Variants in HACD3 observed in about 807,000 individuals in gnomAD.
HACD3 encodes the protein very-long-chain (3R)-3-hydroxyacyl-CoA dehydratase 3.
HACD3 carries 30 observed loss-of-function variants against 55.2 expected under a neutral mutation model. The observed-to-expected ratio is 0.54, with a 90% CI of 0.41 to 0.74. HACD3 has a LOEUF of 0.74. Among genes scored for constraint, HACD3 ranks in the 30% least tolerant of loss-of-function variants. The pLI is 0.00. For synonymous variants in HACD3, 141 were observed against 151.7 expected, an observed-to-expected ratio of 0.93 and a Z score of 0.52; for missense variants, 363 against 440.1, an observed-to-expected ratio of 0.82 and a Z score of 1.57.
chr15:65,551,670 T>A lies in HACD3; in HGVS notation c.88-6T>A. 3 of 1,614,008 alleles carry A rather than the reference T, an allele frequency of 1.9e-6. No homozygotes were observed. Among genetic ancestry groups the A allele is most frequent in the Non-Finnish European group, 2.5e-6 (3 of 1,179,870 alleles). On this transcript the variant is annotated splice_polypyrimidine_tract_variant and splice_region_variant and intron_variant, in intron 1 of 10. Coordinates refer to ENST00000261875, the MANE Select transcript of HACD3 (RefSeq NM_016395.4). The stretch of plus-strand genomic sequence containing the variant: ...GCCTTCTTGCATCCTTGGTCTCTTT[T>A]CACAGAACCCTGCCATCAGCATCAC...
In HACD3 at chr15:65,545,455, AT is replaced by A. The variant is rs1166511305; in HGVS notation, c.88-6204del. On this transcript the variant is annotated intron_variant, in intron 1 of 10. Coordinates refer to ENST00000261875, the MANE Select transcript of HACD3 (RefSeq NM_016395.4). Reference sequence around the variant, plus strand: ...TGCATGAACCTGGATTGGATCCTGGATTTTTTTTTTTTTTTTTGAGACGGAG... The same window carrying A: ...TGCATGAACCTGGATTGGATCCTGGATTTTTTTTTTTTTTTTGAGACGGAG... 4.6e-3 allele frequency among the ~76,000 whole-genome samples: 644 copies of A among 141,104 alleles called. 5 individuals are homozygous for A. Among genetic ancestry groups the A allele is most frequent in the Middle Eastern group, 7.4e-3 (2 of 270 alleles). The allele number at this position is 141,104 out of a possible 152,430, so 92.6% of individuals were successfully genotyped here.
At chr15:65,562,955 C>T in intron 6 of HACD3, 71 bp downstream of exon 6, 1 of 1,574,894 alleles carries the variant, frequency 6.3e-7, no homozygotes, top group Non-Finnish European at 8.6e-7. Context: ...AAAGGGAGCA[C>T]TCTCTGCCTT....
intron 1 of HACD3, among the ~76,000 whole-genome samples, chr15:65,542,233 A>AAG: frequency 7.2e-6 from 1 of 139,358 alleles, no homozygotes. Context: ...ATCTCAAAAA[A>AAG]AAAAAAAAAA....
In HACD3 at chr15:65,577,709, C is replaced by G. The variant is rs1256376945; in HGVS notation, c.*1330C>G. ...GTGGGACTGTACATTTTTGAATAGACCTCAAAAATACTTCATTCTGCTGCT... is the reference window on the plus strand; with the variant it reads ...GTGGGACTGTACATTTTTGAATAGAGCTCAAAAATACTTCATTCTGCTGCT... On this transcript the variant is annotated 3_prime_UTR_variant, in exon 11 of 11. Transcript: ENST00000261875. The G allele has an allele frequency of 6.6e-6, 1 of 152,138 alleles. No individual in the cohort carries two copies. Among genetic ancestry groups the G allele is most frequent in the Non-Finnish European group, 1.5e-5 (1 of 68,024 alleles). The allele number at this position is 152,138 out of a possible 1,614,324, so 9.4% of individuals were successfully genotyped here.
Position 65,551,717 on chromosome 15 carries a change from A to ATGCAGCTG in HACD3, c.129_130insTGCAGCTG (p.Ala44CysfsTer22). The stretch of plus-strand genomic sequence containing the variant: ...TCACTGAAAACGTGCTGCATTTCAA[A>ATGCAGCTG]GGTCAGTATCCCAGCAAATGCTCCC... On this transcript the variant is annotated frameshift_variant and splice_region_variant, in exon 2 of 11. Coordinates refer to ENST00000261875, the MANE Select transcript of HACD3 (RefSeq NM_016395.4). LOFTEE classifies it high-confidence loss of function. 3.7e-6 allele frequency: 6 copies of ATGCAGCTG among 1,613,954 alleles called. No individual in the cohort carries two copies. The highest frequency in any genetic ancestry group is 5.1e-6 in the Non-Finnish European group (6 of 1,179,846).
intron 1 of HACD3, among the ~76,000 whole-genome samples, chr15:65,535,202 A>T (rs2141202139): frequency 6.6e-6 from 1 of 152,366 alleles, no homozygotes; most frequent in Non-Finnish European, 1.5e-5. Context: ...AAGGGGGAGA[A>T]TGTGTTAAGC....
intron 3 of HACD3, among the ~76,000 whole-genome samples, chr15:65,555,486 C>T (rs952861651): frequency 6.6e-6 from 1 of 152,214 alleles, no homozygotes; most frequent in Non-Finnish European, 1.5e-5. Context: ...GAGGAAGCTT[C>T]TCTCATAAGC....
At chr15:65,565,374 C>T (rs1008596709) in intron 7 of HACD3, 10 of 152,324 alleles carry the variant, frequency 6.6e-5, no homozygotes, top group Admixed American at 3.9e-4. Flanking sequence ...TTCCCTTCCT[C>T]ACTGCCCTAG....
chr15:65,554,269 C>A (rs1170966705), intron 2 of HACD3, among the ~76,000 whole-genome samples: 2 of 152,152 alleles, frequency 1.3e-5, no homozygotes, highest in Non-Finnish European at 2.9e-5. Flanking sequence ...CTTTTTCCTG[C>A]CTGTTATTTG....
chr15:65,539,511 G>T (rs758073914), intron 1 of HACD3, among the ~76,000 whole-genome samples: 1 of 152,058 alleles, frequency 6.6e-6, no homozygotes, highest in African/African-American at 2.4e-5. Context: ...GTGAGCCACC[G>T]TGCCCAGCCG....
At chr15:65,541,071 T>G (rs2072014780) in intron 1 of HACD3, among the ~76,000 whole-genome samples, 2 of 152,138 alleles carry the variant, frequency 1.3e-5, no homozygotes, top group South Asian at 4.1e-4. Flanking sequence ...GAGAAGAGAT[T>G]TAGGGGCCAA....
intron 7 of HACD3, among the ~76,000 whole-genome samples, chr15:65,567,824 C>A (rs1361555673): frequency 6.6e-6 from 1 of 151,946 alleles, no homozygotes; most frequent in East Asian, 1.9e-4. Context: ...ATTCTGCTTA[C>A]ATGGGGTACT....
At chr15:65,548,498 G>T (rs2072098383) in intron 1 of HACD3, among the ~76,000 whole-genome samples, 1 of 146,770 alleles carries the variant, frequency 6.8e-6, no homozygotes. Context: ...GGGTGACAGA[G>T]GGAGATTCTG....
chr15:65,572,257 T>C lies in HACD3; in HGVS notation c.903T>C (p.Ile301=). 6.2e-7 allele frequency: 1 copy of C among 1,612,902 alleles called. No individual in the cohort carries two copies. Among genetic ancestry groups the C allele is most frequent in the Non-Finnish European group, 8.5e-7 (1 of 1,179,690 alleles). Residue 301 remains isoleucine, a synonymous_variant, in exon 10 of 11, where the codon ATT becomes ATC. Coordinates refer to ENST00000261875, the MANE Select transcript of HACD3 (RefSeq NM_016395.4). ...CAGCTGTCTCAGTGATTCAGTCCATTCCAATATTCAATGAGACCGGACGAT... is the reference window on the plus strand; with the variant it reads ...CAGCTGTCTCAGTGATTCAGTCCATCCCAATATTCAATGAGACCGGACGAT... ...LAEAVSVIQS[I]PIFNETGRFS...
At chr15:65,549,505 C>T (rs2072111334) in intron 1 of HACD3, among the ~76,000 whole-genome samples, 1 of 143,484 alleles carries the variant, frequency 7.0e-6, no homozygotes, top group East Asian at 2.0e-4. Flanking sequence ...GAGGCTGAAG[C>T]AGAAGAATCG....
intron 1 of HACD3, among the ~76,000 whole-genome samples, chr15:65,545,018 TA>T (rs1220934801): frequency 4.0e-3 from 504 of 126,966 alleles, no homozygotes; most frequent in Middle Eastern, 8.1e-3. Flanking sequence ...AAATTCTGTC[TA>T]AAAAAAAAAA....
At chr15:65,567,426 G>A (rs754374485) in intron 7 of HACD3, among the ~76,000 whole-genome samples, 2 of 152,140 alleles carry the variant, frequency 1.3e-5, no homozygotes, top group African/African-American at 2.4e-5. Context: ...GGAATAGAGA[G>A]CACAAAAAGT....
At chr15:65,555,534 G>T (rs1279430785) in intron 3 of HACD3, among the ~76,000 whole-genome samples, 1 of 152,164 alleles carries the variant, frequency 6.6e-6, no homozygotes, top group Non-Finnish European at 1.5e-5. Context: ...TTTGGCTTCT[G>T]GAATTACACT....
chr15:65,562,191 C>T (rs910733375), intron 5 of HACD3, among the ~76,000 whole-genome samples: 1 of 152,230 alleles, frequency 6.6e-6, no homozygotes, highest in African/African-American at 2.4e-5. Context: ...CTGACCTAAA[C>T]CCAGCAAGGC....
Sources: allele counts gnomAD v4.1 joint callset (sites outside exome capture counted in the v4.1 genomes callset), GRCh38; gene constraint gnomAD v4.1.1; transcripts MANE v1.5; gene names NCBI Gene and HGNC (gene_info 2026-07-23, HGNC 2026-07-21).